The following GUCY2F variants were observed in gnomAD, a reference collection of about 807,000 sequenced individuals.
GUCY2F encodes guanylate cyclase 2F, retinal.
Under a neutral mutation model 73.1 loss-of-function variants are expected in GUCY2F, and 61 were observed. That is an observed-to-expected ratio of 0.83 (90% confidence interval 0.68 to 1.03). The LOEUF (loss-of-function observed/expected upper bound fraction) is 1.03. Ranked by LOEUF, GUCY2F falls within the 50% of genes least tolerant of loss-of-function variation. The pLI, the probability that GUCY2F is intolerant of heterozygous loss-of-function variation, is 0.00. For synonymous variants in GUCY2F, 331 were observed against 307.8 expected (o/e 1.08, Z -0.79); for missense variants, 912 against 854.3 (o/e 1.07, Z -0.84).
intron 2 of GUCY2F, among the ~76,000 whole-genome samples, chrX:109,472,113 T>G (rs1468122280): frequency 1.8e-5 from 2 of 110,937 alleles, no homozygotes; most frequent in African/African-American, 6.6e-5. Flanking sequence ...AAGTTGCCAA[T>G]GAGAGTTCCT....
At chrX:109,425,775 T>C (rs1332127158) in intron 8 of GUCY2F, among the ~76,000 whole-genome samples, 1 of 110,869 alleles carries the variant, frequency 9.0e-6, no homozygotes, top group Non-Finnish European at 1.9e-5. Context: ...AACCAAATAC[T>C]ACCTGTTCCC....
At chrX:109,454,519 T>C (rs976202416) in intron 3 of GUCY2F, among the ~76,000 whole-genome samples, 1 of 111,631 alleles carries the variant, frequency 9.0e-6, no homozygotes, top group African/African-American at 3.3e-5. Flanking sequence ...TGAATTTTAG[T>C]CAGAAAACCT....
At position 109,383,694 on chromosome X, in the gene GUCY2F, G is replaced by T. The variant is rs2300123; in HGVS notation, c.3056-1482C>A. ...ACAATAACTTCCTTGCACAGTCAGT[G>T]CTTAATAAACACCTGCTGTGGGTGA... is the stretch of plus-strand genomic sequence containing the variant. On this transcript the variant is annotated intron_variant, in intron 16 of 19. Coordinates refer to ENST00000218006, the MANE Select transcript of GUCY2F (RefSeq NM_001522.3). Among the ~76,000 whole-genome samples the T allele has an allele frequency of 8.0e-5, 9 of 112,060 alleles. No individual in the cohort carries two copies. The East Asian group carries it at 2.6e-3, about 32-fold the overall frequency.
rs1472935116 is a variant in GUCY2F, at chrX:109,396,644, C to T, written c.2276-1155G>A. The stretch of plus-strand genomic sequence containing the variant: ...TTGCTTGCCCCACCAGTGTGACCTT[C>T]CCACCCCTGAATTGGCTATAACACT... On this transcript the variant is annotated intron_variant, in intron 11 of 19. Transcript: ENST00000218006. Among the ~76,000 whole-genome samples the T allele has an allele frequency of 1.1e-4, 12 of 112,042 alleles. No homozygotes were observed. The Admixed American group carries it at 1.1e-3, about 11-fold the overall frequency.
Position 109,465,125 on chromosome X carries a change from T to G in GUCY2F, c.1032+17A>C. On this transcript the variant is annotated intron_variant, in intron 3 of 19. Transcript: ENST00000218006. The stretch of plus-strand genomic sequence containing the variant: ...TTTAGGTTCTCAGCTCATGACAACC[T>G]ATGAATGTGTACTTACTTGATCGAA... 8.6e-7 allele frequency: 1 copy of G among 1,162,141 alleles called. No homozygotes were observed. The highest frequency in any genetic ancestry group is 1.2e-6 in the Non-Finnish European group (1 of 852,938).
intron 19 of GUCY2F, among the ~76,000 whole-genome samples, chrX:109,374,763 C>T (rs1057483569): frequency 2.7e-5 from 3 of 111,674 alleles, no homozygotes; most frequent in African/African-American, 9.8e-5. Flanking sequence ...TAGAACAAAT[C>T]CTGGCCCCAG....
intron 7 of GUCY2F, among the ~76,000 whole-genome samples, chrX:109,431,585 G>T (rs1931614607): frequency 9.1e-6 from 1 of 109,738 alleles, no homozygotes; most frequent in African/African-American, 3.3e-5. Context: ...TGTAGTCTCA[G>T]CTACTCAGGA....
intron 19 of GUCY2F, among the ~76,000 whole-genome samples, chrX:109,373,588 C>A (rs1303633104): frequency 8.9e-6 from 1 of 112,219 alleles, no homozygotes; most frequent in Non-Finnish European, 1.9e-5. Flanking sequence ...TTTGTGTTAT[C>A]CCAAGCCTGC....
chrX:109,430,172 T>C, intron 8 of GUCY2F, 135 bp downstream of exon 8: 1 of 497,059 alleles, frequency 2.0e-6, no homozygotes, highest in Non-Finnish European at 3.5e-6. Context: ...GATATGATCA[T>C]ACCAACCCAT....
chrX:109,411,545 A>G (rs1250339363), intron 8 of GUCY2F, among the ~76,000 whole-genome samples: 1 of 111,861 alleles, frequency 8.9e-6, no homozygotes, highest in East Asian at 2.8e-4. Flanking sequence ...TTCTCCATAA[A>G]TAATTTGAAC....
At chrX:109,425,437 A>G (rs1365184738) in intron 8 of GUCY2F, among the ~76,000 whole-genome samples, 1 of 108,078 alleles carries the variant, frequency 9.3e-6, no homozygotes, top group African/African-American at 3.4e-5. Flanking sequence ...ATATATACAT[A>G]TATTTATATA....
chrX:109,438,531 CA>C (rs1201674320), intron 7 of GUCY2F, among the ~76,000 whole-genome samples: 1 of 112,787 alleles, frequency 8.9e-6, no homozygotes, highest in Admixed American at 9.3e-5. Flanking sequence ...GTAACAGGTC[CA>C]AAGTAATTCC....
intron 8 of GUCY2F, among the ~76,000 whole-genome samples, chrX:109,422,448 G>A (rs1369613296): frequency 2.7e-5 from 3 of 111,619 alleles, no homozygotes; most frequent in African/African-American, 9.7e-5. Context: ...TTTTCAAGGT[G>A]AAAAAGTTCC....
rs5985719 is a variant in GUCY2F, at chrX:109,428,623, T to C, written c.1791+1684A>G. Among the ~76,000 whole-genome samples the C allele has an allele frequency of 3.9e-3, 439 of 111,758 alleles. 2 individuals are homozygous for C. The highest frequency in any genetic ancestry group is 0.014 in the African/African-American group (422 of 30,780). On this transcript the variant is annotated intron_variant, in intron 8 of 19. Transcript: ENST00000218006. ...TAGCTGTATTGTATAAGACCATTAG[T>C]AAAATTAGAATATGGGAAGTAGTTT...
intron 4 of GUCY2F, among the ~76,000 whole-genome samples, chrX:109,453,269 G>A (rs1254462852): frequency 9.0e-6 from 1 of 111,277 alleles, no homozygotes; most frequent in Non-Finnish European, 1.9e-5. Flanking sequence ...GATTCTTTTT[G>A]AAAAGAGTGG....
chrX:109,398,384 C>G (rs1930758678), intron 11 of GUCY2F, among the ~76,000 whole-genome samples, 165 bp downstream of exon 11: 1 of 111,696 alleles, frequency 9.0e-6, no homozygotes, highest in Admixed American at 9.4e-5. Flanking sequence ...TTCCAGATGC[C>G]TAAAGCTGTC....
rs181154237 is a variant in GUCY2F at position 109,451,215 on chromosome X, T to C, written c.1472+808A>G. On this transcript the variant is annotated intron_variant, in intron 5 of 19. Transcript: ENST00000218006. ...CAAAGTTTATAGGAAAGAGGTGTCA[T>C]GTTAGGCCATCTTCAGCCACTTATC... 4.1e-3 allele frequency among the ~76,000 whole-genome samples: 458 copies of C among 112,317 alleles called. 3 individuals are homozygous for C. The highest frequency in any genetic ancestry group is 0.014 in the African/African-American group (437 of 30,958).
chrX:109,434,477 T>A (rs113673374), intron 7 of GUCY2F, among the ~76,000 whole-genome samples: 5,305 of 109,223 alleles, frequency 0.049, 307 homozygotes, highest in African/African-American at 0.16. Flanking sequence ...AACCTGTCTT[T>A]TGCTATATCT....
intron 7 of GUCY2F, among the ~76,000 whole-genome samples, chrX:109,432,464 C>G (rs1004804004): frequency 1.7e-4 from 19 of 112,143 alleles, no homozygotes; most frequent in African/African-American, 5.8e-4. Context: ...TGGAATCAGC[C>G]TATGTGTGGG....
Sources: gnomAD v4.1 joint callset for allele counts (sites outside exome capture counted in the v4.1 genomes callset) on GRCh38, gnomAD v4.1.1 for gene constraint, MANE v1.5 for transcripts, NCBI Gene and HGNC (gene_info 2026-07-23, HGNC 2026-07-21) for gene names.